Variants in COL11A1 observed in about 807,000 individuals in gnomAD.
The protein encoded by COL11A1 is collagen alpha-1(XI) chain.
Under a neutral mutation model 265.2 loss-of-function variants are expected in COL11A1, and 74 were observed. That is an observed-to-expected ratio of 0.28 (90% CI 0.23 to 0.34). COL11A1 has a LOEUF of 0.34. Ranked by LOEUF, COL11A1 falls within the 10% of genes least tolerant of loss-of-function variation. The pLI, the probability that COL11A1 is intolerant of heterozygous loss-of-function variation, is 1.00. For missense variants in COL11A1, 2,165 were observed against 2,263.6 expected (o/e 0.96, Z 0.88); for synonymous variants, 816 against 727.6 (o/e 1.12, Z -1.96).
chr1:102,879,588 C>A, intron 66 of COL11A1, 95 bp downstream of exon 66: 1 of 1,045,742 alleles, frequency 9.6e-7, no homozygotes, highest in Non-Finnish European at 1.5e-6. Flanking sequence ...CAACTGACGT[C>A]CATTTCATGA....
At chr1:102,991,184 CAGG>C (rs1325634680) in intron 28 of COL11A1, among the ~76,000 whole-genome samples, 2 of 151,840 alleles carry the variant, frequency 1.3e-5, no homozygotes, top group Non-Finnish European at 2.9e-5. Flanking sequence ...GGTGGTGAGG[CAGG>C]AGGTTAATAG....
rs766981236 is a variant in COL11A1 at position 103,031,154 on chromosome 1, G to A, written c.742C>T (p.Pro248Ser). Residue 248 changes from proline (P) to serine (S), a missense_variant, in exon 5 of 67, where the codon CCC (proline) becomes TCC (serine). Pro to Ser is a moderately conservative substitution (Grantham distance 74). Transcript: ENST00000370096. ...HYSPDCDSSA[P>S]KAAQAQEPQI... ...GGTTCCTGAGCTTGAGCAGCCTTGGGTGCTGAAGAGTCACAGTCTGGACTA... is the reference window on the plus strand; with the variant it reads ...GGTTCCTGAGCTTGAGCAGCCTTGGATGCTGAAGAGTCACAGTCTGGACTA... The A allele has an allele frequency of 3.1e-6, 5 of 1,613,014 alleles. No homozygotes were observed. Among genetic ancestry groups the A allele is most frequent in the African/African-American group, 1.3e-5 (1 of 74,914 alleles).
At chr1:103,098,681 CA>C (rs957360586) in intron 1 of COL11A1, among the ~76,000 whole-genome samples, 1 of 151,778 alleles carries the variant, frequency 6.6e-6, no homozygotes, top group African/African-American at 2.4e-5. Flanking sequence ...ATTATACCAT[CA>C]AAAATATTTT....
At chr1:103,090,173 A>G (rs892744579) in intron 1 of COL11A1, among the ~76,000 whole-genome samples, 6 of 151,874 alleles carry the variant, frequency 4.0e-5, no homozygotes, top group Non-Finnish European at 8.8e-5. Context: ...ATAAGTAACA[A>G]TAATAAAGTA....
chr1:103,047,089 G>A (rs1669344200), intron 4 of COL11A1, among the ~76,000 whole-genome samples: 1 of 152,228 alleles, frequency 6.6e-6, no homozygotes, highest in African/African-American at 2.4e-5. Context: ...GGTGATGCGG[G>A]CTCTTTTTTG....
chr1:102,968,138 C>T (rs1352761780), intron 37 of COL11A1, among the ~76,000 whole-genome samples: 2 of 152,172 alleles, frequency 1.3e-5, no homozygotes, highest in African/African-American at 4.8e-5. Context: ...ACAAGTTGTG[C>T]TTGTTCAATA....
intron 4 of COL11A1, among the ~76,000 whole-genome samples, chr1:103,046,925 G>A (rs1669321639): frequency 6.6e-6 from 1 of 152,100 alleles, no homozygotes; most frequent in African/African-American, 2.4e-5. Context: ...TAGATATGCG[G>A]CATTATTTCT....
intron 1 of COL11A1, among the ~76,000 whole-genome samples, chr1:103,085,688 C>G (rs1290500003): frequency 6.6e-6 from 1 of 152,070 alleles, no homozygotes; most frequent in Admixed American, 6.6e-5. Flanking sequence ...ATTCAGCATG[C>G]CTGAGATATA....
chr1:102,981,939 C>T (rs1553225482), intron 31 of COL11A1, among the ~76,000 whole-genome samples: 4 of 151,508 alleles, frequency 2.6e-5, no homozygotes, highest in Non-Finnish European at 5.9e-5. Context: ...TTGAAAGAGA[C>T]TGGTAAAGGC....
intron 47 of COL11A1, among the ~76,000 whole-genome samples, chr1:102,922,764 A>C (rs1396281599): frequency 1.3e-5 from 2 of 152,196 alleles, no homozygotes; most frequent in African/African-American, 4.8e-5. Flanking sequence ...ATTTCAAAGA[A>C]TATAATAGAT....
intron 12 of COL11A1, 109 bp from the exon 13 acceptor site, chr1:103,014,703 A>C: frequency 2.3e-6 from 2 of 868,728 alleles, no homozygotes; most frequent in Non-Finnish European, 3.8e-6. Flanking sequence ...GGGATTTTAC[A>C]AAATTACAAA....
At chr1:102,987,819 G>T in intron 29 of COL11A1, 79 bp from the exon 30 acceptor site, 2 of 1,035,968 alleles carry the variant, frequency 1.9e-6, no homozygotes, top group African/African-American at 1.6e-5. Context: ...TTATGACAGT[G>T]AAAGAGATCT....
intron 1 of COL11A1, among the ~76,000 whole-genome samples, chr1:103,095,558 C>A (rs1673684400): frequency 6.6e-6 from 1 of 151,866 alleles, no homozygotes; most frequent in Non-Finnish European, 1.5e-5. Context: ...TGCAAAGAAC[C>A]CGAGACAATA....
In COL11A1 at chr1:102,878,084, T is replaced by C; in HGVS notation, c.5356A>G (p.Asn1786Asp). The change falls in exon 67 of 67, where the codon AAT becomes GAT. Residue 1786 changes from asparagine to aspartate, a missense_variant. Asn to Asp is a conservative substitution (Grantham distance 23, BLOSUM62 1). Coordinates refer to ENST00000370096, the MANE Select transcript of COL11A1 (RefSeq NM_001854.4). Reference protein sequence around the residue: ...DQVPIVDVMINDFGDQNQKFG... With the variant: ...DQVPIVDVMIDDFGDQNQKFG... ...TTCTGATTCTGATCACCAAAGTCATTGATCATGACATCAACAATAGGTACT... is the reference window on the plus strand; with the variant it reads ...TTCTGATTCTGATCACCAAAGTCATCGATCATGACATCAACAATAGGTACT... 6.2e-7 allele frequency: 1 copy of C among 1,613,630 alleles called. No individual in the cohort carries two copies.
At chr1:103,029,205 ATATT>A (rs1275356080) in intron 5 of COL11A1, among the ~76,000 whole-genome samples, 1 of 152,086 alleles carries the variant, frequency 6.6e-6, no homozygotes, top group East Asian at 1.9e-4. Flanking sequence ...ATAAATTGAC[ATATT>A]TATTAATCCA....
At chr1:103,090,881 G>T (rs938160745) in intron 1 of COL11A1, among the ~76,000 whole-genome samples, 1 of 151,992 alleles carries the variant, frequency 6.6e-6, no homozygotes, top group African/African-American at 2.4e-5. Context: ...AAACAGTTTT[G>T]ATCTCTAAAT....
intron 35 of COL11A1, among the ~76,000 whole-genome samples, chr1:102,976,668 G>A (rs1662527258): frequency 6.6e-6 from 1 of 152,084 alleles, no homozygotes; most frequent in Non-Finnish European, 1.5e-5. Context: ...ATGACTCAGT[G>A]TACAGATGGT....
chr1:102,952,052 A>G (rs995930450), intron 41 of COL11A1, among the ~76,000 whole-genome samples: 3 of 152,140 alleles, frequency 2.0e-5, no homozygotes, highest in Admixed American at 6.5e-5. Flanking sequence ...TCAAGAAGAG[A>G]CAGAATGCTG....
At chr1:103,023,418 C>T (rs189313750) in intron 7 of COL11A1, among the ~76,000 whole-genome samples, 48 of 147,996 alleles carry the variant, frequency 3.2e-4, no homozygotes, top group Admixed American at 2.1e-3. Context: ...TGTGCAAGGG[C>T]GCAATCTTGG....
Sources: allele counts gnomAD v4.1 joint callset (sites outside exome capture counted in the v4.1 genomes callset), GRCh38; gene constraint gnomAD v4.1.1; transcripts MANE v1.5; gene names NCBI Gene and HGNC (gene_info 2026-07-23, HGNC 2026-07-21).